Variants in DLG2 observed in about 807,000 individuals in gnomAD.
The protein encoded by DLG2 is discs large MAGUK scaffold protein 2.
A neutral mutation model predicts 132.5 loss-of-function variants in DLG2; 45 were observed. The observed-to-expected ratio is 0.34, with a 90% CI of 0.27 to 0.44. DLG2 has a LOEUF of 0.44. Among genes scored for constraint, DLG2 ranks in the 20% least tolerant of loss-of-function variants. The probability of loss-of-function intolerance (pLI) is 1.00; values close to 1 mark genes in which losing one functional copy is unlikely to be tolerated. For synonymous variants in DLG2, 424 were observed against 419.6 expected (o/e 1.01, Z -0.13); for missense variants, 1,045 against 1,196.9 (o/e 0.87, Z 1.87).
intron 7 of DLG2, among the ~76,000 whole-genome samples, chr11:84,311,520 T>C (rs920923092): frequency 6.6e-6 from 1 of 152,230 alleles, no homozygotes; most frequent in African/African-American, 2.4e-5. Flanking sequence ...CTTTTAAGCA[T>C]AAAACATTTC....
intron 14 of DLG2, among the ~76,000 whole-genome samples, chr11:83,936,877 T>C (rs966092806): frequency 4.6e-5 from 7 of 152,130 alleles, no homozygotes; most frequent in African/African-American, 1.7e-4. Flanking sequence ...CCAGCTATAG[T>C]AGAATTTTTG....
intron 2 of DLG2, among the ~76,000 whole-genome samples, chr11:85,601,991 T>C (rs1272141967): frequency 6.6e-6 from 1 of 152,186 alleles, no homozygotes; most frequent in Non-Finnish European, 1.5e-5. Flanking sequence ...AGCTCAGAAC[T>C]TTACTCTGAA....
chr11:84,677,688 A>T (rs1367479791), intron 6 of DLG2, among the ~76,000 whole-genome samples: 1 of 152,064 alleles, frequency 6.6e-6, no homozygotes, highest in African/African-American at 2.4e-5. Context: ...GCTAGAGACC[A>T]GCTTGATCAG....
chr11:84,192,660 G>A (rs2096435032), intron 8 of DLG2, among the ~76,000 whole-genome samples: 1 of 152,164 alleles, frequency 6.6e-6, no homozygotes, highest in African/African-American at 2.4e-5. Context: ...AACCCAGGAG[G>A]TGGAGGTTGC....
intron 6 of DLG2, among the ~76,000 whole-genome samples, chr11:84,695,909 C>T (rs1419902024): frequency 6.6e-6 from 1 of 151,376 alleles, no homozygotes; most frequent in African/African-American, 2.4e-5. Flanking sequence ...TAATGCTTTT[C>T]CCTATACTAG....
At chr11:85,249,338 A>G (rs2076285539) in intron 4 of DLG2, among the ~76,000 whole-genome samples, 3 of 151,990 alleles carry the variant, frequency 2.0e-5, no homozygotes, top group Non-Finnish European at 2.9e-5. Flanking sequence ...AACAGTGTGT[A>G]TGATCATCAT....
intron 18 of DLG2, among the ~76,000 whole-genome samples, chr11:83,770,797 G>GA (rs1594059162): frequency 6.6e-6 from 1 of 151,970 alleles, no homozygotes; most frequent in Non-Finnish European, 1.5e-5. Context: ...CAAATTGTGA[G>GA]AAAAAATTAC....
At chr11:84,114,280 C>G (rs957492414) in intron 9 of DLG2, among the ~76,000 whole-genome samples, 1 of 152,058 alleles carries the variant, frequency 6.6e-6, no homozygotes, top group Admixed American at 6.6e-5. Context: ...TGTTTTAGAA[C>G]TGTTTTTGTA....
intron 25 of DLG2, 49 bp downstream of exon 25, chr11:83,469,152 A>G: frequency 7.0e-7 from 1 of 1,428,008 alleles, no homozygotes; most frequent in East Asian, 2.4e-5. Context: ...TGCAGTTTGC[A>G]ACCTAGAAAC....
intron 16 of DLG2, among the ~76,000 whole-genome samples, chr11:83,850,130 G>GTGTGTGTGTGTGTGTA (rs1358560099): frequency 8.1e-6 from 1 of 123,530 alleles, no homozygotes; most frequent in South Asian, 2.6e-4. Flanking sequence ...GTAAGTGTGT[G>GTGTGTGTGTGTGTGTA]TGTGTGTGTG....
At chr11:83,517,011 C>A (rs1200344612) in intron 21 of DLG2, among the ~76,000 whole-genome samples, 1 of 152,116 alleles carries the variant, frequency 6.6e-6, no homozygotes, top group Non-Finnish European at 1.5e-5. Flanking sequence ...CTTGGAGTTG[C>A]TCTTCTCAAG....
At chr11:84,695,299 G>C (rs1045259513) in intron 6 of DLG2, among the ~76,000 whole-genome samples, 1 of 151,488 alleles carries the variant, frequency 6.6e-6, no homozygotes, top group Non-Finnish European at 1.5e-5. Context: ...CTTAATCCTT[G>C]AACTTTTTAG....
chr11:83,595,860 T>A (rs972288598), intron 19 of DLG2, among the ~76,000 whole-genome samples: 2 of 152,212 alleles, frequency 1.3e-5, no homozygotes, highest in African/African-American at 4.8e-5. Flanking sequence ...CTTAATCTCA[T>A]AACTATGCCC....
chr11:83,924,737 T>C (rs890291454), intron 15 of DLG2, among the ~76,000 whole-genome samples: 24 of 152,252 alleles, frequency 1.6e-4, no homozygotes, highest in African/African-American at 5.8e-4. Flanking sequence ...ATGATTGAGG[T>C]CTTATAAAAT....
intron 6 of DLG2, among the ~76,000 whole-genome samples, chr11:85,092,688 G>A (rs1489038103): frequency 6.6e-6 from 1 of 150,976 alleles, no homozygotes; most frequent in East Asian, 1.9e-4. Context: ...TGTTGCCCAG[G>A]CTGGAGTGCA....
chr11:85,347,766 CT>C, intron 3 of DLG2, among the ~76,000 whole-genome samples: 1 of 150,088 alleles, frequency 6.7e-6, no homozygotes, highest in Non-Finnish European at 1.5e-5. Context: ...CTTTTTCCCC[CT>C]ATCAAGGGCA....
intron 12 of DLG2, among the ~76,000 whole-genome samples, chr11:83,969,937 TAA>T (rs34554842): frequency 6.9e-6 from 1 of 145,394 alleles, no homozygotes. Flanking sequence ...GTGTTTCCTC[TAA>T]AAAAAAAAAA....
intron 7 of DLG2, among the ~76,000 whole-genome samples, chr11:84,401,266 C>G (rs1254784499): frequency 1.3e-5 from 2 of 152,168 alleles, no homozygotes; most frequent in African/African-American, 2.4e-5. Context: ...CTTGCAGACT[C>G]TCTTACCACA....
chr11:85,021,886 A>C (rs1219016852), intron 6 of DLG2, among the ~76,000 whole-genome samples: 1 of 152,130 alleles, frequency 6.6e-6, no homozygotes, highest in East Asian at 1.9e-4. Context: ...ACTATACAAA[A>C]TTTTATCATT....
Sources: gnomAD v4.1 joint callset for allele counts (sites outside exome capture counted in the v4.1 genomes callset) on GRCh38, gnomAD v4.1.1 for gene constraint, MANE v1.5 for transcripts, NCBI Gene and HGNC (gene_info 2026-07-23, HGNC 2026-07-21) for gene names.